RYR2: variants seen among roughly 807,000 people sequenced by gnomAD.
RYR2 encodes the protein ryanodine receptor 2, also known as cardiac muscle ryanodine receptor-calcium release channel.
In RYR2, 227 loss-of-function variants were observed where a neutral mutation model predicts 601.1. That is an observed-to-expected ratio of 0.38 (90% confidence interval 0.34 to 0.42). The LOEUF is 0.42. Among genes scored for constraint, RYR2 ranks in the 10% least tolerant of loss-of-function variants. The pLI, the probability that RYR2 is intolerant of heterozygous loss-of-function variation, is 1.00. For synonymous variants in RYR2, 2,223 were observed against 2,175.1 expected (o/e 1.02, Z -0.61); for missense variants, 4,646 against 6,156.5 (o/e 0.75, Z 8.21).
chr1:237,195,847 G>A lies in RYR2; in HGVS notation c.49-74650G>A, dbSNP rs532374782. Among the ~76,000 whole-genome samples the A allele has an allele frequency of 4.6e-5, 7 of 152,270 alleles. No individual in the cohort carries two copies. The South Asian group carries it at 6.2e-4, about 14-fold the overall frequency. On this transcript the variant is annotated intron_variant, in intron 1 of 104. Transcript: ENST00000366574. ...ATGTATAGGGCTTAAGAAATTACCC[G>A]GGAAGTAATGAGCACTCAACCGACG...
intron 1 of RYR2, among the ~76,000 whole-genome samples, chr1:237,089,701 G>C (rs191956523): frequency 2.2e-4 from 33 of 152,316 alleles, no homozygotes; most frequent in African/African-American, 7.2e-4. Context: ...AATAAGTCAT[G>C]TTCCTTTTAG....
At chr1:237,654,554 T>C (rs1333956789) in intron 52 of RYR2, 140 bp downstream of exon 52, 5 of 794,348 alleles carry the variant, frequency 6.3e-6, no homozygotes, top group Non-Finnish European at 7.6e-6. Flanking sequence ...TTTTCTCAAC[T>C]TCATAACAAA....
chr1:237,377,025 T>C (rs1701092987), intron 7 of RYR2, among the ~76,000 whole-genome samples: 1 of 152,126 alleles, frequency 6.6e-6, no homozygotes, highest in Non-Finnish European at 1.5e-5. Flanking sequence ...AAGAATGAAA[T>C]CAGATCAGTG....
At chr1:237,495,010 C>T (rs1572587304) in intron 19 of RYR2, among the ~76,000 whole-genome samples, 2 of 152,040 alleles carry the variant, frequency 1.3e-5, no homozygotes, top group African/African-American at 2.4e-5. Flanking sequence ...AGCCTGGTCT[C>T]GAACTCCTGA....
chr1:237,378,526 C>T (rs941386843), intron 8 of RYR2, among the ~76,000 whole-genome samples: 1 of 152,124 alleles, frequency 6.6e-6, no homozygotes, highest in African/African-American at 2.4e-5. Context: ...TGAATATTCA[C>T]ATGAAAAATC....
intron 1 of RYR2, among the ~76,000 whole-genome samples, chr1:237,084,799 G>A (rs973924577): frequency 3.3e-5 from 5 of 152,156 alleles, no homozygotes; most frequent in East Asian, 1.9e-4. Context: ...CTTGGGTCCC[G>A]ACCTAATGTG....
intron 2 of RYR2, among the ~76,000 whole-genome samples, chr1:237,299,344 A>G (rs547729214): frequency 1.3e-5 from 2 of 152,162 alleles, no homozygotes; most frequent in Non-Finnish European, 2.9e-5. Context: ...AGAGCTGGAG[A>G]TGAAACTGAC....
intron 98 of RYR2, among the ~76,000 whole-genome samples, chr1:237,804,925 A>C (rs2149432582): frequency 6.6e-6 from 1 of 152,310 alleles, no homozygotes; most frequent in South Asian, 2.1e-4. Context: ...ACTGGGGAAC[A>C]GTTTTGTCTG....
intron 35 of RYR2, among the ~76,000 whole-genome samples, chr1:237,605,530 C>A (rs1439422621): frequency 1.3e-5 from 2 of 152,126 alleles, no homozygotes; most frequent in Non-Finnish European, 2.9e-5. Flanking sequence ...CTTCTCTCCC[C>A]ACTCCTATTC....
intron 1 of RYR2, among the ~76,000 whole-genome samples, chr1:237,172,625 A>C (rs1226393467): frequency 2.0e-5 from 3 of 152,196 alleles, no homozygotes; most frequent in Non-Finnish European, 4.4e-5. Flanking sequence ...CTTTTTAGAA[A>C]TGTATTAAAT....
chr1:237,485,231 A>G (rs973685467), intron 17 of RYR2, among the ~76,000 whole-genome samples: 7 of 152,230 alleles, frequency 4.6e-5, no homozygotes, highest in Non-Finnish European at 7.3e-5. Flanking sequence ...ACACTTAACA[A>G]TTATGAATCT....
intron 84 of RYR2, among the ~76,000 whole-genome samples, chr1:237,762,599 C>T (rs889185833): frequency 1.3e-5 from 2 of 152,184 alleles, no homozygotes; most frequent in African/African-American, 4.8e-5. Flanking sequence ...TCCTCAGCCT[C>T]CTTTCCTTCG....
Position 237,770,899 on chromosome 1 carries a change from C to T in RYR2, c.11557+12C>T, listed in dbSNP as rs1242679012. 3 of 1,514,694 alleles carry T rather than the reference C, an allele frequency of 2.0e-6. No individual in the cohort carries two copies. Among genetic ancestry groups the T allele is most frequent in the Non-Finnish European group, 2.7e-6 (3 of 1,116,506 alleles). The allele number at this position is 1,514,694 out of a possible 1,614,324, so 93.8% of individuals were successfully genotyped here. ...GGGACACAACTCAGGTTTGTGAGTCCCCGGAACTTCTGATGATACTAAGGC... is the reference window on the plus strand; with the variant it reads ...GGGACACAACTCAGGTTTGTGAGTCTCCGGAACTTCTGATGATACTAAGGC... On this transcript the variant is annotated intron_variant, in intron 85 of 104. Transcript: ENST00000366574.
At chr1:237,771,145 C>A (rs908014152) in intron 85 of RYR2, among the ~76,000 whole-genome samples, 6 of 152,190 alleles carry the variant, frequency 3.9e-5, no homozygotes, top group Admixed American at 1.3e-4. Flanking sequence ...TGCGGTGGCT[C>A]ACCTGTAATC....
chr1:237,298,259 G>A, intron 2 of RYR2, among the ~76,000 whole-genome samples: 1 of 152,144 alleles, frequency 6.6e-6, no homozygotes, highest in Non-Finnish European at 1.5e-5. Flanking sequence ...TGCTGGCATA[G>A]GAAGATTAAG....
chr1:237,210,528 G>A (rs566761756), intron 1 of RYR2, among the ~76,000 whole-genome samples: 2 of 152,202 alleles, frequency 1.3e-5, no homozygotes, highest in South Asian at 2.1e-4. Context: ...CTGAGTCAGG[G>A]TTTTCTCTTG....
chr1:237,203,783 CAT>C (rs764029894), intron 1 of RYR2, among the ~76,000 whole-genome samples: 24 of 152,130 alleles, frequency 1.6e-4, no homozygotes, highest in African/African-American at 2.9e-4. Context: ...TGTATACACA[CAT>C]GTTACCAAGC....
intron 1 of RYR2, among the ~76,000 whole-genome samples, chr1:237,089,179 C>G (rs1283404812): frequency 6.6e-6 from 1 of 152,210 alleles, no homozygotes; most frequent in Non-Finnish European, 1.5e-5. Flanking sequence ...TTAACCCATT[C>G]TCAGTGTGGG....
chr1:237,344,860 G>A (rs1177463868), intron 3 of RYR2, among the ~76,000 whole-genome samples: 3 of 152,022 alleles, frequency 2.0e-5, no homozygotes, highest in Non-Finnish European at 2.9e-5. Flanking sequence ...GGGCTGGAGT[G>A]CAGTGGCACC....
Sources: allele counts gnomAD v4.1 joint callset (sites outside exome capture counted in the v4.1 genomes callset), GRCh38; gene constraint gnomAD v4.1.1; transcripts MANE v1.5; gene names NCBI Gene and HGNC (gene_info 2026-07-23, HGNC 2026-07-21).